The following F13A1 variants were observed in gnomAD, a reference collection of about 807,000 sequenced individuals.
F13A1 encodes the protein coagulation factor XIII A chain.
A neutral mutation model predicts 80.1 loss-of-function variants in F13A1; 47 were observed. That is an observed-to-expected ratio of 0.59 (90% CI 0.46 to 0.75). F13A1 has a LOEUF of 0.75. Ranked by LOEUF, F13A1 falls within the 30% of genes least tolerant of loss-of-function variation. F13A1 has a pLI of 0.00. For missense variants in F13A1, 817 were observed against 930.4 expected (o/e 0.88, Z 1.59); for synonymous variants, 349 against 344.9 (o/e 1.01, Z -0.13).
At position 6,315,446 on chromosome 6, in the gene F13A1, T is replaced by C. The variant is rs3024336; in HGVS notation, c.130+3089A>G. ...GTGCCTACCTCAAATATTTCATTTT[T>C]TTTTTCTTGAATATCATGGTGTGTA... On this transcript the variant is annotated intron_variant, in intron 2 of 14. Coordinates refer to ENST00000264870, the MANE Select transcript of F13A1 (RefSeq NM_000129.4). Among the ~76,000 whole-genome samples, 1,365 of 152,318 alleles carry C rather than the reference T, an allele frequency of 9.0e-3. 21 individuals are homozygous for C. The highest frequency in any genetic ancestry group is 0.031 in the African/African-American group (1,270 of 41,572).
intron 4 of F13A1, among the ~76,000 whole-genome samples, chr6:6,251,207 T>A (rs964613316): frequency 6.6e-6 from 1 of 152,238 alleles, no homozygotes; most frequent in African/African-American, 2.4e-5. Context: ...AATTGATATG[T>A]CTCATTAAAC....
chr6:6,298,538 G>A (rs1309991323), intron 3 of F13A1, among the ~76,000 whole-genome samples: 30 of 147,054 alleles, frequency 2.0e-4, no homozygotes, highest in African/African-American at 4.3e-4. Flanking sequence ...TTGTTGGTTT[G>A]AAGTCTGTTT....
intron 8 of F13A1, among the ~76,000 whole-genome samples, chr6:6,198,605 C>T (rs1338980449): frequency 6.6e-6 from 1 of 152,174 alleles, no homozygotes; most frequent in Non-Finnish European, 1.5e-5. Flanking sequence ...ACACACCAGG[C>T]ACCTTGGTAG....
chr6:6,222,108 T>G lies in F13A1; in HGVS notation c.1037A>C (p.Asp346Ala). The G allele has an allele frequency of 6.2e-7, 1 of 1,614,098 alleles. No individual in the cohort carries two copies. Among genetic ancestry groups the G allele is most frequent in the Non-Finnish European group, 8.5e-7 (1 of 1,179,958 alleles). The change falls in exon 8 of 15, where the codon GAT becomes GCT. Residue 346 changes from aspartate to alanine, a missense_variant. Coordinates refer to ENST00000264870, the MANE Select transcript of F13A1 (RefSeq NM_000129.4). ...VTNYFSAHDNDANLQMDIFLE... is the reference protein window; with the variant it reads ...VTNYFSAHDNAANLQMDIFLE... ...GAAGATGTCCATTTGCAAATTGGCATCATTATCATGGGCAGAGAAATAATT... is the reference window on the plus strand; with the variant it reads ...GAAGATGTCCATTTGCAAATTGGCAGCATTATCATGGGCAGAGAAATAATT...
chr6:6,181,996 A>G lies in F13A1; in HGVS notation c.1451T>C (p.Phe484Ser). 1 of 1,614,186 alleles carries G rather than the reference A, an allele frequency of 6.2e-7. No homozygotes were observed. Among genetic ancestry groups the G allele is most frequent in the Non-Finnish European group, 8.5e-7 (1 of 1,180,020 alleles). Reference protein sequence around the residue: ...GMMDITDTYKFQEGQEEERLA... With the variant: ...GMMDITDTYKSQEGQEEERLA... ...CAGTGGTAGTAAATTACCTTCTTGG[A>G]ATTTGTAAGTATCAGTAATATCCAT... The change falls in exon 11 of 15, where the codon TTC (phenylalanine) becomes TCC (serine). Residue 484 changes from phenylalanine to serine, a missense_variant. Phe to Ser is a radical substitution (Grantham distance 155). Transcript: ENST00000264870.
At chr6:6,175,074 G>A (rs1561643723) in intron 11 of F13A1, among the ~76,000 whole-genome samples, 2 of 152,176 alleles carry the variant, frequency 1.3e-5, no homozygotes, top group Non-Finnish European at 2.9e-5. Context: ...AGCCTAGGCT[G>A]CAAGTTAGGA....
chr6:6,172,093 A>G (rs551475221), intron 12 of F13A1, among the ~76,000 whole-genome samples: 3 of 152,352 alleles, frequency 2.0e-5, no homozygotes, highest in South Asian at 4.1e-4. Flanking sequence ...CTGTGTCTCC[A>G]GCATAAAACA....
At chr6:6,205,824 A>G (rs1323451255) in intron 8 of F13A1, among the ~76,000 whole-genome samples, 3 of 146,118 alleles carry the variant, frequency 2.1e-5, no homozygotes, top group African/African-American at 8.4e-5. Context: ...AACAACAAAA[A>G]TTAAAATTAA....
intron 6 of F13A1, among the ~76,000 whole-genome samples, chr6:6,239,358 G>A (rs1757455743): frequency 6.6e-6 from 1 of 152,076 alleles, no homozygotes; most frequent in African/African-American, 2.4e-5. Flanking sequence ...AAACTTCTGA[G>A]CTTGTGGAAA....
At chr6:6,234,814 CTG>C (rs1757394457) in intron 6 of F13A1, among the ~76,000 whole-genome samples, 1 of 151,868 alleles carries the variant, frequency 6.6e-6, no homozygotes, top group African/African-American at 2.4e-5. Flanking sequence ...ATAATTTCTT[CTG>C]TTGCAATTTA....
At chr6:6,301,078 G>A (rs1001377029) in intron 3 of F13A1, among the ~76,000 whole-genome samples, 12 of 152,160 alleles carry the variant, frequency 7.9e-5, no homozygotes, top group Admixed American at 6.5e-4. Context: ...TCTAGTTCAC[G>A]TTCTATACTT....
chr6:6,239,439 AT>A (rs1757456981), intron 6 of F13A1, among the ~76,000 whole-genome samples: 1 of 151,988 alleles, frequency 6.6e-6, no homozygotes, highest in African/African-American at 2.4e-5. Context: ...AATATCCATG[AT>A]TTTTTACTGT....
At chr6:6,303,713 C>T (rs1473482378) in intron 3 of F13A1, among the ~76,000 whole-genome samples, 1 of 152,078 alleles carries the variant, frequency 6.6e-6, no homozygotes, top group African/African-American at 2.4e-5. Context: ...AGAAAGACTT[C>T]CCACTCAAGA....
At chr6:6,294,600 T>G (rs906612407) in intron 3 of F13A1, among the ~76,000 whole-genome samples, 5 of 150,540 alleles carry the variant, frequency 3.3e-5, no homozygotes, top group Non-Finnish European at 7.4e-5. Flanking sequence ...ATATATATCC[T>G]ATTAGGTCTG....
At chr6:6,173,035 C>A (rs750506124) in intron 12 of F13A1, among the ~76,000 whole-genome samples, 1 of 152,078 alleles carries the variant, frequency 6.6e-6, no homozygotes, top group Non-Finnish European at 1.5e-5. Context: ...CTCTTCAGTG[C>A]CCCATGTCAG....
intron 6 of F13A1, among the ~76,000 whole-genome samples, chr6:6,245,107 C>G (rs1343084906): frequency 6.6e-6 from 1 of 152,110 alleles, no homozygotes; most frequent in Non-Finnish European, 1.5e-5. Context: ...ACTTGCATCC[C>G]CCAGGTAGAA....
Position 6,145,425 on chromosome 6 carries a change from AACTT to A in F13A1, c.*190_*193del. The A allele has an allele frequency of 1.5e-6, 1 of 677,606 alleles. No homozygotes were observed. The highest frequency in any genetic ancestry group is 2.6e-6 in the Non-Finnish European group (1 of 387,060). The allele number at this position is 677,606 out of a possible 1,614,324, so 42.0% of individuals were successfully genotyped here. A position where few individuals can be genotyped will look rare whatever the true frequency, so the allele number is the denominator to read the frequency against. On this transcript the variant is annotated 3_prime_UTR_variant, in exon 15 of 15. Coordinates refer to ENST00000264870, the MANE Select transcript of F13A1 (RefSeq NM_000129.4). ...TTGGAAGGTGGAGAGATTAAAAACT[AACTT>A]CCTTGCCGAATAGCCTGGGTTTGGA...
intron 8 of F13A1, among the ~76,000 whole-genome samples, chr6:6,211,840 G>T (rs1011218969): frequency 1.3e-5 from 2 of 152,264 alleles, no homozygotes; most frequent in Non-Finnish European, 2.9e-5. Context: ...GCGAGCCAAA[G>T]CAGGGTGAGG....
chr6:6,313,683 TA>T (rs112346846), intron 2 of F13A1, among the ~76,000 whole-genome samples: 2 of 151,622 alleles, frequency 1.3e-5, no homozygotes, highest in East Asian at 1.9e-4. Context: ...CTGATTTATT[TA>T]AAAAAAAACA....
Sources: gnomAD v4.1 joint callset for allele counts (sites outside exome capture counted in the v4.1 genomes callset) on GRCh38, gnomAD v4.1.1 for gene constraint, MANE v1.5 for transcripts, NCBI Gene and HGNC (gene_info 2026-07-23, HGNC 2026-07-21) for gene names.